The following NRXN3 variants were observed in gnomAD, a reference collection of about 807,000 sequenced individuals.
NRXN3 encodes neurexin 3.
Under a neutral mutation model 137.6 loss-of-function variants are expected in NRXN3, and 32 were observed. That is an observed-to-expected ratio of 0.23 (90% confidence interval 0.18 to 0.31). The LOEUF (loss-of-function observed/expected upper bound fraction) is 0.31, where lower values mean the gene tolerates loss of function less well. Ranked by LOEUF, NRXN3 falls within the 10% of genes least tolerant of loss-of-function variation. The pLI is 1.00. For missense variants in NRXN3, 1,574 were observed against 2,062.5 expected (o/e 0.76, Z 4.59); for synonymous variants, 798 against 784.5 (o/e 1.02, Z -0.29).
rs966796243 is a variant in NRXN3 at position 78,726,960 on chromosome 14, A to T, written c.2044+11821A>T. On this transcript the variant is annotated intron_variant, in intron 8 of 20. Coordinates refer to ENST00000335750, the MANE Select transcript of NRXN3 (RefSeq NM_001330195.2). ...GGGAGCTATACAGGATTTATTCACT[A>T]AAAAAAAAAAAAAAAAAACCTTCAC... Among the ~76,000 whole-genome samples, 3 of 6,586 alleles carry T rather than the reference A, an allele frequency of 4.6e-4. No individual in the cohort carries two copies. In the South Asian group the frequency reaches 0.033, roughly 73 times the overall value. 4.3% of individuals were successfully genotyped at this position (6,586 alleles called of 152,430 possible). A position where few individuals can be genotyped will look rare whatever the true frequency, so the allele number is the denominator to read the frequency against.
intron 16 of NRXN3, among the ~76,000 whole-genome samples, chr14:79,647,951 G>T (rs565509470): frequency 7.4e-6 from 1 of 134,602 alleles, no homozygotes; most frequent in Non-Finnish European, 1.7e-5. Context: ...AAGCTTTAAG[G>T]CCAGGCCTGT....
intron 15 of NRXN3, among the ~76,000 whole-genome samples, chr14:79,426,423 A>G (rs114903332): frequency 6.6e-6 from 1 of 152,316 alleles, no homozygotes; most frequent in Admixed American, 6.5e-5. Flanking sequence ...AATCAGAGAA[A>G]GGCAAAAGGC....
chr14:78,322,252 G>T (rs997371711), intron 4 of NRXN3, among the ~76,000 whole-genome samples: 1 of 151,870 alleles, frequency 6.6e-6, no homozygotes, highest in South Asian at 2.1e-4. Flanking sequence ...ATATGTAATT[G>T]GGAAAGCCAC....
chr14:79,560,512 T>TTTTTTTTTTTTTTTTTG (rs2097484104), intron 16 of NRXN3, among the ~76,000 whole-genome samples: 1 of 119,420 alleles, frequency 8.4e-6, no homozygotes. Context: ...AGCTTTTTTT[T>TTTTTTTTTTTTTTTTTG]TTTTTTTTTT....
intron 14 of NRXN3, among the ~76,000 whole-genome samples, chr14:78,984,835 G>A (rs1416125015): frequency 2.0e-5 from 3 of 152,170 alleles, no homozygotes; most frequent in African/African-American, 7.2e-5. Flanking sequence ...TGTGAGCTAG[G>A]GACATATGGT....
chr14:79,611,445 A>T (rs1299876513), intron 16 of NRXN3: 2 of 152,236 alleles, frequency 1.3e-5, no homozygotes, highest in Non-Finnish European at 2.9e-5. Context: ...TAAAAATACA[A>T]AAAATTAGCC....
Position 78,970,660 on chromosome 14 carries a change from A to C in NRXN3, c.3142+2314A>C, listed in dbSNP as rs546792403. ...AATGACCTCACTTAAGAGAGTTTTA[A>C]GAGAAGCAGTAAGAGCATCAGCAAA... On this transcript the variant is annotated intron_variant, in intron 14 of 20. Transcript: ENST00000335750. Among the ~76,000 whole-genome samples the C allele has an allele frequency of 3.9e-5, 6 of 152,374 alleles. No homozygotes were observed. In the South Asian group the frequency reaches 1.2e-3, roughly 32 times the overall value.
intron 15 of NRXN3, among the ~76,000 whole-genome samples, chr14:79,246,358 A>G (rs1446676869): frequency 6.6e-6 from 1 of 152,186 alleles, no homozygotes; most frequent in African/African-American, 2.4e-5. Context: ...TCATGGAGCG[A>G]TTACATGGAG....
chr14:78,862,543 G>T (rs188080924), intron 10 of NRXN3, among the ~76,000 whole-genome samples: 3 of 152,098 alleles, frequency 2.0e-5, no homozygotes, highest in East Asian at 1.9e-4. Flanking sequence ...TTGTTGTATG[G>T]TCTGTTTTAT....
intron 4 of NRXN3, among the ~76,000 whole-genome samples, chr14:78,569,529 T>TGTCCAGAACTCCTAGACTCAAGC: frequency 2.0e-5 from 3 of 151,872 alleles, no homozygotes; most frequent in Admixed American, 1.3e-4. Context: ...CCTCCCAAAG[T>TGTCCAGAACTCCTAGACTCAAGC]GCTGGGATTA....
At chr14:78,900,475 G>A (rs575142490) in intron 10 of NRXN3, among the ~76,000 whole-genome samples, 2 of 149,058 alleles carry the variant, frequency 1.3e-5, no homozygotes, top group African/African-American at 2.5e-5. Context: ...TCATTACTAC[G>A]TTTGGTGCCA....
chr14:78,908,190 A>T (rs2099224656), intron 10 of NRXN3, among the ~76,000 whole-genome samples: 1 of 152,084 alleles, frequency 6.6e-6, no homozygotes, highest in Non-Finnish European at 1.5e-5. Context: ...TTGTGGCTTA[A>T]CATCTTTACT....
chr14:78,593,351 T>C (rs1024788851), intron 4 of NRXN3, among the ~76,000 whole-genome samples: 1 of 152,148 alleles, frequency 6.6e-6, no homozygotes, highest in African/African-American at 2.4e-5. Flanking sequence ...CCCTCTAGAA[T>C]GAGCATGGAG....
chr14:78,290,589 C>T (rs955300579), intron 3 of NRXN3, among the ~76,000 whole-genome samples: 2 of 152,066 alleles, frequency 1.3e-5, no homozygotes, highest in Non-Finnish European at 2.9e-5. Flanking sequence ...CCACGATCCA[C>T]GATTGTGCCA....
intron 4 of NRXN3, among the ~76,000 whole-genome samples, chr14:78,412,490 A>G (rs370128024): frequency 1.3e-5 from 2 of 152,216 alleles, no homozygotes; most frequent in African/African-American, 4.8e-5. Context: ...ATAATAACTA[A>G]TAGTACTTGG....
chr14:79,827,130 C>A (rs2099306204), intron 20 of NRXN3, among the ~76,000 whole-genome samples: 1 of 152,124 alleles, frequency 6.6e-6, no homozygotes, highest in South Asian at 2.1e-4. Flanking sequence ...GTGGGGGACA[C>A]TGTCATGTAA....
At chr14:79,490,975 A>G (rs2096711251) in intron 16 of NRXN3, among the ~76,000 whole-genome samples, 1 of 152,186 alleles carries the variant, frequency 6.6e-6, no homozygotes, top group Admixed American at 6.5e-5. Context: ...AAAATGAATA[A>G]AAACATCCTT....
Position 78,188,790 on chromosome 14 carries a change from G to A in NRXN3, c.-704+18116G>A, listed in dbSNP as rs541532154. ...TTGTCATTTACAAAATAGGAATGGC[G>A]TCATACCTACCCTACGGATTCCTAC... On this transcript the variant is annotated intron_variant, in intron 1 of 20. Transcript: ENST00000335750. Among the ~76,000 whole-genome samples the A allele has an allele frequency of 1.1e-4, 16 of 152,196 alleles. No homozygotes were observed. The East Asian group carries it at 2.3e-3, about 22-fold the overall frequency.
At chr14:79,017,380 C>T (rs1221876716) in intron 15 of NRXN3, among the ~76,000 whole-genome samples, 1 of 151,702 alleles carries the variant, frequency 6.6e-6, no homozygotes, top group Non-Finnish European at 1.5e-5. Context: ...ATTATCCTGC[C>T]TCATCTACCC....
Sources: allele counts gnomAD v4.1 joint callset (sites outside exome capture counted in the v4.1 genomes callset), GRCh38; gene constraint gnomAD v4.1.1; transcripts MANE v1.5; gene names NCBI Gene and HGNC (gene_info 2026-07-23, HGNC 2026-07-21).